SLC12A8: variants seen among roughly 807,000 people sequenced by gnomAD.
The protein encoded by SLC12A8 is cation-chloride cotransporter 9.
Under a neutral mutation model 75.6 loss-of-function variants are expected in SLC12A8, and 69 were observed. The ratio of observed to expected loss-of-function variants is 0.91; its 90% CI spans 0.75 to 1.11. SLC12A8 has a LOEUF of 1.11. SLC12A8 is among the 50% of genes most tolerant of loss of function. SLC12A8 has a pLI of 0.00. For synonymous variants in SLC12A8, 365 were observed against 372.8 expected (o/e 0.98, Z 0.24); for missense variants, 877 against 896.7 (o/e 0.98, Z 0.28).
chr3:125,125,546 A>G (rs139565224), intron 6 of SLC12A8, among the ~76,000 whole-genome samples: 19,923 of 152,202 alleles, frequency 0.13, 1,629 homozygotes, highest in Middle Eastern at 0.24. Flanking sequence ...GTGACAGAGC[A>G]AGACTCCGTC....
Position 125,084,036 on chromosome 3 carries a change from GA to G in SLC12A8, c.1998del (p.Gln667ArgfsTer17). 2 of 1,611,764 alleles carry G rather than the reference GA, an allele frequency of 1.2e-6. No individual in the cohort carries two copies. The highest frequency in any genetic ancestry group is 1.7e-6 in the Non-Finnish European group (2 of 1,179,010). ...GACGGCGCCAAGATGATCTGCTCCT[GA>G]GGGGACCGCAAGCTCCTGCAGTGAG... ...LLPSCRSLRSPQEQIILAPSL... is the reference protein window; with the variant it reads ...LLPSCRSLRSXQEQIILAPSL... On this transcript the variant is annotated frameshift_variant, in exon 14 of 14. Transcript: ENST00000469902. LOFTEE classifies it high-confidence loss of function.
intron 8 of SLC12A8, among the ~76,000 whole-genome samples, chr3:125,117,046 C>A (rs1407918619): frequency 6.6e-6 from 1 of 152,176 alleles, no homozygotes; most frequent in Non-Finnish European, 1.5e-5. Context: ...TCAGTTCTCT[C>A]ACTAACTGAA....
intron 2 of SLC12A8, among the ~76,000 whole-genome samples, chr3:125,209,884 C>G (rs1313268612): frequency 6.6e-6 from 1 of 152,140 alleles, no homozygotes; most frequent in African/African-American, 2.4e-5. Context: ...ACTTTAGTAG[C>G]AATGTGGAAA....
intron 12 of SLC12A8, among the ~76,000 whole-genome samples, chr3:125,090,100 A>G (rs946500147): frequency 2.0e-5 from 3 of 151,994 alleles, no homozygotes; most frequent in Non-Finnish European, 2.9e-5. Flanking sequence ...TAGGAGACAG[A>G]GTCTTGTTAT....
At chr3:125,127,055 T>C (rs1001525843) in intron 6 of SLC12A8, among the ~76,000 whole-genome samples, 2 of 152,252 alleles carry the variant, frequency 1.3e-5, no homozygotes, top group Admixed American at 1.3e-4. Flanking sequence ...GCTGGCACCT[T>C]GTAGGTGCTA....
intron 8 of SLC12A8, chr3:125,110,553 T>C: frequency 2.6e-6 from 1 of 387,608 alleles, no homozygotes; most frequent in Non-Finnish European, 4.6e-6. Context: ...ACAGTGGTCC[T>C]CAAATGAAGC....
chr3:125,185,260 TG>T (rs1274048725), intron 4 of SLC12A8, among the ~76,000 whole-genome samples: 2 of 151,386 alleles, frequency 1.3e-5, no homozygotes, highest in Non-Finnish European at 2.9e-5. Flanking sequence ...GTGGAGATTG[TG>T]GTGAGCCGAG....
chr3:125,108,937 T>C (rs1939109338), intron 9 of SLC12A8, among the ~76,000 whole-genome samples: 1 of 152,166 alleles, frequency 6.6e-6, no homozygotes, highest in African/African-American at 2.4e-5. Flanking sequence ...GAGGTGGGTA[T>C]GGTGACCTTC....
intron 10 of SLC12A8, among the ~76,000 whole-genome samples, chr3:125,097,643 T>C (rs1560050139): frequency 6.6e-6 from 1 of 151,996 alleles, no homozygotes; most frequent in Non-Finnish European, 1.5e-5. Flanking sequence ...AATGCTGTTT[T>C]ATATATCAGC....
At chr3:125,118,550 G>T (rs1932953213) in intron 8 of SLC12A8, among the ~76,000 whole-genome samples, 1 of 152,186 alleles carries the variant, frequency 6.6e-6, no homozygotes, top group Non-Finnish European at 1.5e-5. Flanking sequence ...AATTGCTTGA[G>T]CCTGGAAGGT....
At chr3:125,157,783 GTTC>G (rs896464218) in intron 5 of SLC12A8, among the ~76,000 whole-genome samples, 30 of 152,218 alleles carry the variant, frequency 2.0e-4, no homozygotes, top group African/African-American at 6.5e-4. Context: ...CAAGGTCAAG[GTTC>G]TTCCACTCTC....
rs549453955 is a variant in SLC12A8, at chr3:125,150,543, G to T, written c.623-14761C>A. The stretch of plus-strand genomic sequence containing the variant: ...TAGATTACTAGTCCAAAATTTGAGA[G>T]TATGGATCAGACTGTTTTTCTAATG... On this transcript the variant is annotated intron_variant, in intron 5 of 13. Coordinates refer to ENST00000469902, the MANE Select transcript of SLC12A8 (RefSeq NM_024628.6). 2.0e-5 allele frequency among the ~76,000 whole-genome samples: 3 copies of T among 152,274 alleles called. No homozygotes were observed. In the South Asian group the frequency reaches 6.2e-4, roughly 32 times the overall value.
intron 5 of SLC12A8, among the ~76,000 whole-genome samples, chr3:125,164,898 T>C (rs1254498096): frequency 6.6e-6 from 1 of 152,222 alleles, no homozygotes; most frequent in Non-Finnish European, 1.5e-5. Flanking sequence ...GAGGCTCCCC[T>C]GGTGCTTCTG....
At chr3:125,207,068 C>T (rs958016024) in intron 2 of SLC12A8, among the ~76,000 whole-genome samples, 1 of 152,258 alleles carries the variant, frequency 6.6e-6, no homozygotes, top group African/African-American at 2.4e-5. Flanking sequence ...AGGGAAAGAG[C>T]TGGGACGCTG....
At chr3:125,179,192 C>T (rs1003828522) in intron 4 of SLC12A8, among the ~76,000 whole-genome samples, 1 of 152,112 alleles carries the variant, frequency 6.6e-6, no homozygotes, top group Non-Finnish European at 1.5e-5. Context: ...TGAGGCCTCT[C>T]CTCAACCTCT....
chr3:125,138,282 TC>T lies in SLC12A8; in HGVS notation c.623-2501del, dbSNP rs530324787. On this transcript the variant is annotated intron_variant, in intron 5 of 13. Coordinates refer to ENST00000469902, the MANE Select transcript of SLC12A8 (RefSeq NM_024628.6). The stretch of plus-strand genomic sequence containing the variant: ...CGGCCGTGATGGGGTGTGCCTGTAG[TC>T]CCCGCTACTCTGGAGGCTGAGGCGA... Among the ~76,000 whole-genome samples the T allele has an allele frequency of 2.2e-3, 341 of 152,160 alleles. 5 individuals carry two copies. The highest frequency in any genetic ancestry group is 2.9e-3 in the Non-Finnish European group (196 of 68,008).
intron 8 of SLC12A8, among the ~76,000 whole-genome samples, chr3:125,113,726 C>A (rs909969708): frequency 1.3e-5 from 2 of 152,044 alleles, no homozygotes; most frequent in Non-Finnish European, 2.9e-5. Flanking sequence ...TTGAGCCATC[C>A]CCCCACCCCC....
chr3:125,103,875 C>T (rs539007071), intron 10 of SLC12A8, among the ~76,000 whole-genome samples: 3 of 152,166 alleles, frequency 2.0e-5, no homozygotes, highest in African/African-American at 7.2e-5. Flanking sequence ...CTCAAACATT[C>T]CTCCTGTCTC....
At chr3:125,092,723 A>G (rs1238615395) in intron 10 of SLC12A8, among the ~76,000 whole-genome samples, 5 of 152,194 alleles carry the variant, frequency 3.3e-5, no homozygotes, top group African/African-American at 1.2e-4. Context: ...TCCTCTGGCA[A>G]TTGAAATGGC....
Sources: allele counts gnomAD v4.1 joint callset (sites outside exome capture counted in the v4.1 genomes callset), GRCh38; gene constraint gnomAD v4.1.1; transcripts MANE v1.5; gene names NCBI Gene and HGNC (gene_info 2026-07-23, HGNC 2026-07-21).